The following SNF8 variants were observed in gnomAD, a reference collection of about 807,000 sequenced individuals.
SNF8 encodes the protein SNF8 subunit of ESCRT-II, also known as vacuolar-sorting protein SNF8.
A neutral mutation model predicts 36.8 loss-of-function variants in SNF8; 19 were observed. That is an observed-to-expected ratio of 0.52 (90% confidence interval 0.36 to 0.76). The LOEUF (loss-of-function observed/expected upper bound fraction) is 0.76. Ranked by LOEUF, SNF8 falls within the 30% of genes least tolerant of loss-of-function variation. SNF8 has a pLI of 0.00. For synonymous variants in SNF8, 127 were observed against 127.4 expected (o/e 1.00, Z 0.02); for missense variants, 268 against 322.9 (o/e 0.83, Z 1.30).
intron 3 of SNF8, among the ~76,000 whole-genome samples, chr17:48,938,827 C>T (rs1431243594): frequency 1.3e-5 from 2 of 148,482 alleles, no homozygotes; most frequent in African/African-American, 5.0e-5. Context: ...TAACCAGGAT[C>T]GCGCCATTGC....
At chr17:48,942,846 CCTT>C (rs375863407) in intron 2 of SNF8, among the ~76,000 whole-genome samples, 3 of 98,036 alleles carry the variant, frequency 3.1e-5, no homozygotes, top group Non-Finnish European at 4.1e-5. Context: ...CCGCACCCGG[CCTT>C]TTTTTTTTTT....
chr17:48,931,186 T>A (rs1212861282), intron 7 of SNF8, among the ~76,000 whole-genome samples: 1 of 152,230 alleles, frequency 6.6e-6, no homozygotes, highest in Non-Finnish European at 1.5e-5. Context: ...AGTTCTTACA[T>A]TGCTCCCTCT....
intron 6 of SNF8, chr17:48,931,937 G>T (rs993087438): frequency 9.6e-6 from 4 of 414,716 alleles, no homozygotes; most frequent in African/African-American, 8.3e-5. Context: ...TGGGGTACCG[G>T]CCAGGCACGG....
In SNF8 at chr17:48,930,406, A is replaced by G. The variant is rs190616825; in HGVS notation, c.*69T>C. ...TTTTTTTCTATTTTTTGTATAAACA[A>G]AATTGCCCAGGTTTATTTGCCACCT... is the stretch of plus-strand genomic sequence containing the variant. On this transcript the variant is annotated 3_prime_UTR_variant, in exon 8 of 8. Coordinates refer to ENST00000502492, the MANE Select transcript of SNF8 (RefSeq NM_007241.4). The G allele has an allele frequency of 3.6e-4, 497 of 1,393,752 alleles. 1 individual carries two copies. The African/African-American group carries it at 6.6e-3, about 19-fold the overall frequency. The allele number at this position is 1,393,752 out of a possible 1,614,324, so 86.3% of individuals were successfully genotyped here.
At chr17:48,940,898 C>T in intron 3 of SNF8, 26 bp downstream of exon 3, 14 of 1,609,342 alleles carry the variant, frequency 8.7e-6, no homozygotes, top group Non-Finnish European at 1.0e-5. Context: ...TATAAGAACG[C>T]TGGACCCCTA....
At chr17:48,934,758 C>T (rs991079605) in intron 5 of SNF8, among the ~76,000 whole-genome samples, 2 of 152,114 alleles carry the variant, frequency 1.3e-5, no homozygotes, top group East Asian at 1.9e-4. Context: ...TCTCACTACA[C>T]TGCCCAGACT....
intron 1 of SNF8, 75 bp from the exon 2 acceptor site, chr17:48,944,050 T>A (rs1334676054): frequency 1.4e-6 from 2 of 1,457,524 alleles, no homozygotes; most frequent in African/African-American, 2.8e-5. Context: ...ACGCCTGTAA[T>A]CCCAGAACTT....
intron 3 of SNF8, among the ~76,000 whole-genome samples, chr17:48,937,943 AAAAT>A (rs59280369): frequency 3.3e-5 from 5 of 149,842 alleles, no homozygotes; most frequent in Non-Finnish European, 5.9e-5. Context: ...TAAATAAATA[AAAAT>A]AAATAAATAA....
chr17:48,941,533 A>G (rs1428825012), intron 2 of SNF8, among the ~76,000 whole-genome samples: 1 of 152,098 alleles, frequency 6.6e-6, no homozygotes, highest in Non-Finnish European at 1.5e-5. Flanking sequence ...GAAAGGCTGG[A>G]TGGGAAAAAG....
In SNF8 at chr17:48,940,911, G is replaced by C. The variant is rs1555584292; in HGVS notation, c.244+13C>G. On this transcript the variant is annotated intron_variant, in intron 3 of 7. Transcript: ENST00000502492. ...TCTATAAGAACGCTGGACCCCTACA[G>C]ACAACTTCTTACAGGCCAGCGGATC... is the stretch of plus-strand genomic sequence containing the variant. The C allele has an allele frequency of 2.5e-6, 4 of 1,611,306 alleles. No homozygotes were observed. The South Asian group carries it at 4.4e-5, about 18-fold the overall frequency.
chr17:48,939,206 G>C (rs956041754), intron 3 of SNF8, among the ~76,000 whole-genome samples: 5 of 149,838 alleles, frequency 3.3e-5, no homozygotes, highest in Non-Finnish European at 7.4e-5. Context: ...AGGTTGCAGT[G>C]AGCCAAGAGT....
chr17:48,941,358 T>C (rs2065403540), intron 2 of SNF8, among the ~76,000 whole-genome samples: 1 of 152,058 alleles, frequency 6.6e-6, no homozygotes, highest in Admixed American at 6.6e-5. Flanking sequence ...TACAACCAAA[T>C]ATATGCACAA....
intron 3 of SNF8, among the ~76,000 whole-genome samples, chr17:48,940,047 C>T (rs913431431): frequency 7.8e-6 from 1 of 128,898 alleles, no homozygotes; most frequent in African/African-American, 2.9e-5. Context: ...TGCACTCCAG[C>T]GTAGGTGACA....
At chr17:48,938,238 T>A (rs1228804023) in intron 3 of SNF8, among the ~76,000 whole-genome samples, 3 of 152,178 alleles carry the variant, frequency 2.0e-5, no homozygotes, top group Non-Finnish European at 4.4e-5. Flanking sequence ...GGCTCACGCC[T>A]GTAATCCCAG....
chr17:48,930,481 G>A lies in SNF8; in HGVS notation c.771C>T (p.Leu257=). ...TGTGCCCTTCCACATGCAGTCAGGG[G>A]AGGGCTTCTCTGGCCTCCTCAGCTG... is the stretch of plus-strand genomic sequence containing the variant. The part of the protein sequence containing the change: ...EITAEEAREA[L]P The change falls in exon 8 of 8, where the codon CTC becomes CTT. Residue 257 remains leucine, a synonymous_variant. Transcript: ENST00000502492. 1 of 1,604,606 alleles carries A rather than the reference G, an allele frequency of 6.2e-7. No homozygotes were observed. The highest frequency in any genetic ancestry group is 8.5e-7 in the Non-Finnish European group (1 of 1,175,508).
chr17:48,944,078 C>G lies in SNF8; in HGVS notation c.55-103G>C, dbSNP rs1598095487. ...CAGAACTTTGGGACGCCGAGGCGGG[C>G]GGATCACGAGGTCAGGAGATCGAGC... On this transcript the variant is annotated intron_variant, in intron 1 of 7. Transcript: ENST00000502492. The G allele has an allele frequency of 9.6e-6, 10 of 1,041,180 alleles. No individual in the cohort carries two copies. In the East Asian group the frequency reaches 2.3e-4, roughly 24 times the overall value. 64.5% of individuals were successfully genotyped at this position (1,041,180 alleles called of 1,614,324 possible).
chr17:48,937,211 T>G, intron 3 of SNF8, 87 bp from the exon 4 acceptor site: 1 of 1,017,596 alleles, frequency 9.8e-7, no homozygotes, highest in Non-Finnish European at 1.6e-6. Flanking sequence ...ATCTATCATA[T>G]GGGAAGTCTT....
chr17:48,943,998 TAA>T, intron 1 of SNF8, 23 bp from the exon 2 acceptor site: 1 of 1,612,862 alleles, frequency 6.2e-7, no homozygotes, highest in Non-Finnish European at 8.5e-7. Flanking sequence ...GAGACCAGCA[TAA>T]GTTAAGAGAG....
At chr17:48,931,792 C>G in intron 6 of SNF8, 75 bp from the exon 7 acceptor site, 2 of 1,143,914 alleles carry the variant, frequency 1.7e-6, no homozygotes, top group South Asian at 1.4e-5. Flanking sequence ...TGCCCAGGAA[C>G]AAGAGACTTA....
Sources: allele counts gnomAD v4.1 joint callset (sites outside exome capture counted in the v4.1 genomes callset), GRCh38; gene constraint gnomAD v4.1.1; transcripts MANE v1.5; gene names NCBI Gene and HGNC (gene_info 2026-07-23, HGNC 2026-07-21).